LRCH2: variants seen among roughly 807,000 people sequenced by gnomAD.
LRCH2 encodes leucine-rich repeat and calponin homology domain-containing protein 2.
LRCH2 carries 38 observed loss-of-function variants against 68.9 expected under a neutral mutation model. The observed-to-expected ratio is 0.55, with a 90% confidence interval of 0.43 to 0.72. LRCH2 has a LOEUF of 0.72. Among genes scored for constraint, LRCH2 ranks in the 30% least tolerant of loss-of-function variants. The probability of loss-of-function intolerance (pLI) is 0.00; values close to 1 mark genes in which losing one functional copy is unlikely to be tolerated. For missense variants in LRCH2, 528 were observed against 572.9 expected (o/e 0.92, Z 0.80); for synonymous variants, 191 against 208.1 (o/e 0.92, Z 0.71).
In LRCH2 at chrX:115,191,546, A is replaced by G. The variant is rs1306256760; in HGVS notation, c.350-3176T>C. 23 of 1,113,905 alleles carry G rather than the reference A, an allele frequency of 2.1e-5. No homozygotes were observed. Among genetic ancestry groups the G allele is most frequent in the Non-Finnish European group, 2.4e-5 (20 of 843,941 alleles). 91.8% of individuals were successfully genotyped at this position (1,113,905 alleles called of 1,213,427 possible). On this transcript the variant is annotated intron_variant, in intron 1 of 20. Coordinates refer to ENST00000317135, the MANE Select transcript of LRCH2 (RefSeq NM_020871.4). ...GACAGTTCCAGCCAGAGCAACCGCT[A>G]TGGAGGAGGCGGCCGCTACGAGGAG...
intron 1 of LRCH2, chrX:115,192,161 A>C: frequency 1.7e-6 from 2 of 1,166,826 alleles, no homozygotes; most frequent in Non-Finnish European, 2.3e-6. Context: ...AGTGACCATT[A>C]CGGAAGAGGA....
chrX:115,206,707 G>C (rs2072969924), intron 1 of LRCH2, among the ~76,000 whole-genome samples: 1 of 111,169 alleles, frequency 9.0e-6, no homozygotes, highest in African/African-American at 3.3e-5. Context: ...TGAGACCCCT[G>C]ATTTCCCACT....
intron 1 of LRCH2, among the ~76,000 whole-genome samples, chrX:115,200,509 TCAACAAA>T (rs1297866291): frequency 9.2e-6 from 1 of 109,272 alleles, no homozygotes; most frequent in Non-Finnish European, 1.9e-5. Context: ...AACTATATAC[TCAACAAA>T]CAAGAAAACC....
intron 1 of LRCH2, among the ~76,000 whole-genome samples, chrX:115,221,972 G>A (rs1415683436): frequency 5.5e-5 from 6 of 109,613 alleles, no homozygotes; most frequent in South Asian, 3.9e-4. Context: ...CTGAGGCATC[G>A]AACAGCATGA....
At chrX:115,220,106 C>A (rs2073068416) in intron 1 of LRCH2, among the ~76,000 whole-genome samples, 1 of 112,069 alleles carries the variant, frequency 8.9e-6, no homozygotes, top group Non-Finnish European at 1.9e-5. Context: ...ATAGAGAATG[C>A]ATTATCTGTC....
At chrX:115,229,235 T>C (rs782792363) in intron 1 of LRCH2, among the ~76,000 whole-genome samples, 19 of 111,680 alleles carry the variant, frequency 1.7e-4, no homozygotes, top group Non-Finnish European at 3.2e-4. Context: ...TGCTTTTTTA[T>C]AAAGAGAGAA....
chrX:115,130,948 C>T (rs981359138), intron 14 of LRCH2, among the ~76,000 whole-genome samples: 4 of 111,493 alleles, frequency 3.6e-5, no homozygotes, highest in Non-Finnish European at 7.5e-5. Flanking sequence ...TCCTGCAAAT[C>T]AGTGGCAGAT....
At chrX:115,130,228 T>TA in intron 14 of LRCH2, 29 bp from the exon 15 acceptor site, 1 of 848,848 alleles carries the variant, frequency 1.2e-6, no homozygotes, top group Non-Finnish European at 1.7e-6. Context: ...ACATAATTTA[T>TA]TTTCCCTTGA....
At chrX:115,218,226 G>T (rs2073054694) in intron 1 of LRCH2, among the ~76,000 whole-genome samples, 1 of 111,883 alleles carries the variant, frequency 8.9e-6, no homozygotes, top group African/African-American at 3.3e-5. Context: ...CCTAATATCT[G>T]AATTGTTATG....
intron 20 of LRCH2, among the ~76,000 whole-genome samples, chrX:115,118,803 C>CA (rs1556524911): frequency 9.1e-6 from 1 of 110,225 alleles, no homozygotes; most frequent in Non-Finnish European, 1.9e-5. Flanking sequence ...AGCAGCACAT[C>CA]AAAAAGCTTA....
At chrX:115,221,889 GAATCAAT>G (rs1383141197) in intron 1 of LRCH2, among the ~76,000 whole-genome samples, 13 of 95,586 alleles carry the variant, frequency 1.4e-4, no homozygotes, top group African/African-American at 3.9e-5. Flanking sequence ...GGGATACAAA[GAATCAAT>G]AGGAGTTCAC....
rs1267729625 is a variant in LRCH2, at chrX:115,111,899, T to C, written c.*1317A>G. 2.7e-5 allele frequency: 3 copies of C among 112,267 alleles called. No homozygotes were observed. Among genetic ancestry groups the C allele is most frequent in the Middle Eastern group, 4.6e-3 (1 of 218 alleles). The allele number at this position is 112,267 out of a possible 1,213,427, so 9.3% of individuals were successfully genotyped here. ...TGCAAATGATCACATACTTAAGATATGATGCTTGCTTGGTTACTACAAAAG... is the reference window on the plus strand; with the variant it reads ...TGCAAATGATCACATACTTAAGATACGATGCTTGCTTGGTTACTACAAAAG... On this transcript the variant is annotated 3_prime_UTR_variant, in exon 21 of 21. Coordinates refer to ENST00000317135, the MANE Select transcript of LRCH2 (RefSeq NM_020871.4).
intron 3 of LRCH2, among the ~76,000 whole-genome samples, chrX:115,182,295 A>C: frequency 8.9e-6 from 1 of 111,885 alleles, no homozygotes; most frequent in East Asian, 2.8e-4. Context: ...GAGACATAAA[A>C]TCTTAAATTA....
At chrX:115,150,798 A>T (rs1556538126) in intron 12 of LRCH2, among the ~76,000 whole-genome samples, 2 of 111,249 alleles carry the variant, frequency 1.8e-5, no homozygotes, top group African/African-American at 6.5e-5. Flanking sequence ...ATCTATTATT[A>T]TAAGAGGTAA....
intron 14 of LRCH2, among the ~76,000 whole-genome samples, chrX:115,137,461 C>T (rs970715940): frequency 1.9e-5 from 2 of 108,060 alleles, no homozygotes; most frequent in Admixed American, 1.0e-4. Context: ...AAATGAGGAT[C>T]AGACCCTAAG....
chrX:115,227,293 TAA>T (rs368561385), intron 1 of LRCH2, among the ~76,000 whole-genome samples: 15 of 91,940 alleles, frequency 1.6e-4, no homozygotes, highest in Non-Finnish European at 1.3e-4. Flanking sequence ...CCTTGTCTCT[TAA>T]AAAAAAAAAA....
chrX:115,146,739 A>T (rs2072385797), intron 14 of LRCH2, among the ~76,000 whole-genome samples: 1 of 110,056 alleles, frequency 9.1e-6, no homozygotes, highest in Non-Finnish European at 1.9e-5. Context: ...CTTTCCTACC[A>T]TGATTTACTT....
At chrX:115,232,168 T>C (rs900511041) in intron 1 of LRCH2, among the ~76,000 whole-genome samples, 2 of 105,612 alleles carry the variant, frequency 1.9e-5, no homozygotes, top group Non-Finnish European at 3.9e-5. Context: ...AGCCCAACAA[T>C]GAAAGTCCTG....
rs782590492 is a variant in LRCH2 at position 115,111,416 on chromosome X, T to C, written c.*1800A>G. 1.1e-4 allele frequency: 12 copies of C among 110,431 alleles called. No individual in the cohort carries two copies. The highest frequency in any genetic ancestry group is 2.1e-4 in the Non-Finnish European group (11 of 52,868). 9.1% of individuals were successfully genotyped at this position (110,431 alleles called of 1,213,427 possible). A position where few individuals can be genotyped will look rare whatever the true frequency, so the allele number is the denominator to read the frequency against. On this transcript the variant is annotated 3_prime_UTR_variant, in exon 21 of 21. Coordinates refer to ENST00000317135, the MANE Select transcript of LRCH2 (RefSeq NM_020871.4). ...ACACCTATGAAAGCAGTATGAATGA[T>C]TGCTGTGTTTTTAATGGTCACTTAA... is the stretch of plus-strand genomic sequence containing the variant.
Sources: allele counts gnomAD v4.1 joint callset (sites outside exome capture counted in the v4.1 genomes callset), GRCh38; gene constraint gnomAD v4.1.1; transcripts MANE v1.5; gene names NCBI Gene and HGNC (gene_info 2026-07-23, HGNC 2026-07-21).